Variants in FKBP5 observed in about 807,000 individuals in gnomAD.
FKBP5 encodes the protein FKBP prolyl isomerase 5, also known as peptidyl-prolyl cis-trans isomerase FKBP5.
FKBP5 carries 23 observed loss-of-function variants against 50.5 expected under a neutral mutation model. The ratio of observed to expected loss-of-function variants is 0.46; its 90% CI spans 0.33 to 0.65. The LOEUF (loss-of-function observed/expected upper bound fraction) is 0.65, where lower values mean the gene tolerates loss of function less well. Among genes scored for constraint, FKBP5 ranks in the 30% least tolerant of loss-of-function variants. The probability of loss-of-function intolerance (pLI) is 0.02; values close to 1 mark genes in which losing one functional copy is unlikely to be tolerated. For missense variants in FKBP5, 411 were observed against 553.1 expected (o/e 0.74, Z 2.58); for synonymous variants, 176 against 190.6 (o/e 0.92, Z 0.63).
intron 1 of FKBP5, among the ~76,000 whole-genome samples, chr6:35,647,561 C>T (rs1330193560): frequency 6.6e-6 from 1 of 152,208 alleles, no homozygotes; most frequent in Non-Finnish European, 1.5e-5. Context: ...CAAACACCAA[C>T]TGTTAAGAGC....
chr6:35,717,937 G>T (rs2766534), intron 2 of FKBP5, among the ~76,000 whole-genome samples: 111,998 of 152,016 alleles, frequency 0.74, 41,573 homozygotes, highest in Middle Eastern at 0.85. Context: ...AAAAGGGGCA[G>T]GTGAAAGTGT....
chr6:35,595,201 G>T (rs1159225081), intron 6 of FKBP5, among the ~76,000 whole-genome samples: 2 of 152,156 alleles, frequency 1.3e-5, no homozygotes, highest in African/African-American at 4.8e-5. Context: ...AATCTGTAAA[G>T]AACTGTTTGC....
intron 5 of FKBP5, among the ~76,000 whole-genome samples, chr6:35,613,672 C>G (rs1763561313): frequency 6.6e-6 from 1 of 152,208 alleles, no homozygotes; most frequent in Admixed American, 6.5e-5. Flanking sequence ...TCTCCTCCCC[C>G]AGATAGCTAA....
intron 1 of FKBP5, among the ~76,000 whole-genome samples, chr6:35,673,056 G>C (rs1046208158): frequency 6.6e-6 from 1 of 152,104 alleles, no homozygotes; most frequent in Non-Finnish European, 1.5e-5. Flanking sequence ...TTGGTGATTG[G>C]GAATTAACAT....
At chr6:35,718,909 C>T (rs1000905789) in intron 2 of FKBP5, among the ~76,000 whole-genome samples, 1 of 152,308 alleles carries the variant, frequency 6.6e-6, no homozygotes, top group East Asian at 1.9e-4. Flanking sequence ...TGGGTAGATG[C>T]CCCTGAGAGA....
chr6:35,711,558 C>G (rs970377108), intron 2 of FKBP5, among the ~76,000 whole-genome samples: 1 of 151,812 alleles, frequency 6.6e-6, no homozygotes, highest in Admixed American at 6.6e-5. Flanking sequence ...GTGAAGGCTA[C>G]AGTGAGCTGA....
chr6:35,663,754 TC>T (rs1765138752), intron 1 of FKBP5, among the ~76,000 whole-genome samples: 1 of 152,182 alleles, frequency 6.6e-6, no homozygotes, highest in African/African-American at 2.4e-5. Context: ...CCTTTTCTTA[TC>T]AGAGTTGTTT....
At chr6:35,591,053 A>G (rs1762805632) in intron 7 of FKBP5, 77 bp downstream of exon 7, 1 of 936,474 alleles carries the variant, frequency 1.1e-6, no homozygotes, top group Non-Finnish European at 1.7e-6. Context: ...ACCACCTACT[A>G]AGATAAGATA....
chr6:35,712,085 G>A (rs140193985), intron 2 of FKBP5, among the ~76,000 whole-genome samples: 2 of 148,218 alleles, frequency 1.3e-5, no homozygotes, highest in East Asian at 2.0e-4. Flanking sequence ...TCCCTATGTC[G>A]CCCAGGCTGG....
intron 2 of FKBP5, among the ~76,000 whole-genome samples, chr6:35,713,974 T>C (rs182411795): frequency 1.3e-5 from 2 of 152,142 alleles, no homozygotes; most frequent in African/African-American, 4.8e-5. Context: ...ATTGGAACAA[T>C]TCTGTCCCCA....
intron 5 of FKBP5, among the ~76,000 whole-genome samples, chr6:35,599,532 T>A (rs1325429813): frequency 6.6e-6 from 1 of 152,198 alleles, no homozygotes; most frequent in Admixed American, 6.5e-5. Flanking sequence ...TTTTAGTATA[T>A]GTGCTGCCGA....
At chr6:35,724,794 C>T (rs1414711643) in intron 1 of FKBP5, among the ~76,000 whole-genome samples, 1 of 151,606 alleles carries the variant, frequency 6.6e-6, no homozygotes, top group Non-Finnish European at 1.5e-5. Flanking sequence ...TGATGTCAGA[C>T]AGACCTGAGT....
chr6:35,676,460 C>T (rs1212166938), intron 1 of FKBP5, among the ~76,000 whole-genome samples: 2 of 152,124 alleles, frequency 1.3e-5, no homozygotes, highest in African/African-American at 2.4e-5. Flanking sequence ...AATAAAGGCT[C>T]GGAATGGTTA....
intron 8 of FKBP5, chr6:35,584,217 C>A: frequency 1.0e-6 from 1 of 985,348 alleles, no homozygotes; most frequent in Non-Finnish European, 1.2e-6. Flanking sequence ...ATTTTCAGAG[C>A]CAAATAGAGT....
At chr6:35,611,270 C>G (rs1763485677) in intron 5 of FKBP5, among the ~76,000 whole-genome samples, 1 of 152,192 alleles carries the variant, frequency 6.6e-6, no homozygotes, top group Non-Finnish European at 1.5e-5. Context: ...TTTGTTCCCT[C>G]CATCTATCAT....
chr6:35,689,115 C>T (rs1414722080), upstream of FKBP5, among the ~76,000 whole-genome samples: 1 of 152,226 alleles, frequency 6.6e-6, no homozygotes, highest in Admixed American at 6.5e-5. Context: ...ATCATTTGCT[C>T]CTCCACCTCC....
intron 3 of FKBP5, among the ~76,000 whole-genome samples, chr6:35,623,513 G>A (rs1192427141): frequency 6.6e-6 from 1 of 151,864 alleles, no homozygotes; most frequent in African/African-American, 2.4e-5. Context: ...GTGCAAAGGT[G>A]ATATGCATTT....
chr6:35,591,415 T>A (rs1762816508), intron 6 of FKBP5, among the ~76,000 whole-genome samples, 195 bp from the exon 7 acceptor site: 1 of 152,234 alleles, frequency 6.6e-6, no homozygotes, highest in Admixed American at 6.5e-5. Flanking sequence ...GAAACCAGGC[T>A]AGGTTTAGTT....
chr6:35,716,427 G>T (rs1766513418), intron 2 of FKBP5, among the ~76,000 whole-genome samples: 1 of 152,110 alleles, frequency 6.6e-6, no homozygotes, highest in Non-Finnish European at 1.5e-5. Flanking sequence ...GTGTCTGTAT[G>T]CTCTGGGAGG....
Sources: allele counts gnomAD v4.1 joint callset (sites outside exome capture counted in the v4.1 genomes callset), GRCh38; gene constraint gnomAD v4.1.1; transcripts MANE v1.5; gene names NCBI Gene and HGNC (gene_info 2026-07-23, HGNC 2026-07-21).